Variants in PRKCA observed in about 807,000 individuals in gnomAD.
PRKCA encodes protein kinase C alpha.
In PRKCA, 27 loss-of-function variants were observed where a neutral mutation model predicts 87.0. That is an observed-to-expected ratio of 0.31 (90% confidence interval 0.23 to 0.43). PRKCA has a LOEUF of 0.43. PRKCA is among the 20% of genes least tolerant of loss of function. PRKCA has a pLI of 1.00. For missense variants in PRKCA, 518 were observed against 852.3 expected (o/e 0.61, Z 4.88); for synonymous variants, 329 against 311.1 (o/e 1.06, Z -0.61).
chr17:66,302,844 G>C lies in PRKCA; in HGVS notation c.-8G>C, dbSNP rs1385201395. On this transcript the variant is annotated 5_prime_UTR_variant, in exon 1 of 17. Coordinates refer to ENST00000413366, the MANE Select transcript of PRKCA (RefSeq NM_002737.3). ...CCCGGCGGAGGCAAGAGGTGGTTGG[G>C]GGGGACCATGGCTGACGTTTTCCCG... The C allele has an allele frequency of 2.5e-6, 4 of 1,592,026 alleles. No homozygotes were observed. In the African/African-American group the frequency reaches 4.1e-5, roughly 16 times the overall value.
intron 2 of PRKCA, among the ~76,000 whole-genome samples, chr17:66,385,158 G>A (rs1356203625): frequency 2.0e-5 from 3 of 152,168 alleles, no homozygotes; most frequent in African/African-American, 7.2e-5. Flanking sequence ...TCCCTGGCAG[G>A]CACTGTGTGG....
chr17:66,757,005 C>G (rs774585195), intron 13 of PRKCA, among the ~76,000 whole-genome samples: 1 of 151,990 alleles, frequency 6.6e-6, no homozygotes, highest in Non-Finnish European at 1.5e-5. Context: ...TTGCTAAGGG[C>G]TTTAGTGGAA....
intron 3 of PRKCA, among the ~76,000 whole-genome samples, chr17:66,514,856 T>G (rs1464054021): frequency 6.6e-6 from 1 of 152,156 alleles, no homozygotes; most frequent in Non-Finnish European, 1.5e-5. Flanking sequence ...ATGTAGCCAC[T>G]CCGATTTGGA....
chr17:66,768,792 A>G (rs895344897), intron 13 of PRKCA, among the ~76,000 whole-genome samples: 1 of 152,186 alleles, frequency 6.6e-6, no homozygotes, highest in Non-Finnish European at 1.5e-5. Flanking sequence ...TTCCCCCAAC[A>G]GGTGGGGATT....
chr17:66,491,984 AGG>A (rs1286941466), intron 2 of PRKCA, among the ~76,000 whole-genome samples: 1 of 151,754 alleles, frequency 6.6e-6, no homozygotes, highest in African/African-American at 2.4e-5. Flanking sequence ...TGGGGAGGAG[AGG>A]GGGCATCTAC....
chr17:66,562,868 A>AT (rs1017712599), intron 3 of PRKCA, among the ~76,000 whole-genome samples: 2 of 152,188 alleles, frequency 1.3e-5, no homozygotes, highest in Admixed American at 1.3e-4. Context: ...AAGTGCTGGG[A>AT]TTACAGGCAT....
At chr17:66,785,294 A>G (rs1459949465) in intron 14 of PRKCA, among the ~76,000 whole-genome samples, 1 of 152,100 alleles carries the variant, frequency 6.6e-6, no homozygotes, top group African/African-American at 2.4e-5. Flanking sequence ...GCTGCCTCTG[A>G]CTTGGGAGAA....
chr17:66,739,363 T>C (rs1974105772), intron 11 of PRKCA, among the ~76,000 whole-genome samples: 4 of 152,218 alleles, frequency 2.6e-5, no homozygotes, highest in Admixed American at 2.0e-4. Context: ...CTGGAGATGT[T>C]GCCATATCCC....
chr17:66,409,235 G>T (rs1911624918), intron 2 of PRKCA, among the ~76,000 whole-genome samples: 1 of 151,994 alleles, frequency 6.6e-6, no homozygotes, highest in Non-Finnish European at 1.5e-5. Flanking sequence ...ATAAGACTTA[G>T]GGGTTCGTTC....
chr17:66,807,312 A>C lies in PRKCA; in HGVS notation c.*3275A>C, dbSNP rs1179713593. ...TGGCTCTGCATTATCTTCCCTTGGA[A>C]GGTGGCCACTCCTCGGTGGCAGGGC... On this transcript the variant is annotated 3_prime_UTR_variant, in exon 17 of 17. Transcript: ENST00000413366. The surrounding 1 kb of genome is among the most constrained non-coding windows in gnomAD (Gnocchi z 4.3). 2 of 152,230 alleles carry C rather than the reference A, an allele frequency of 1.3e-5. No individual in the cohort carries two copies. The highest frequency in any genetic ancestry group is 4.8e-5 in the African/African-American group (2 of 41,462). The allele number at this position is 152,230 out of a possible 1,614,324, so 9.4% of individuals were successfully genotyped here. A position where few individuals can be genotyped will look rare whatever the true frequency, so the allele number is the denominator to read the frequency against.
At chr17:66,663,849 T>G (rs1971971549) in intron 5 of PRKCA, among the ~76,000 whole-genome samples, 2 of 145,372 alleles carry the variant, frequency 1.4e-5, no homozygotes, top group South Asian at 4.4e-4. Flanking sequence ...TTGTTGTTGT[T>G]GTTTGGTTTG....
intron 8 of PRKCA, among the ~76,000 whole-genome samples, chr17:66,694,869 G>A (rs1972878172): frequency 6.6e-6 from 1 of 151,006 alleles, no homozygotes; most frequent in African/African-American, 2.4e-5. Flanking sequence ...TCATTTCCAT[G>A]GCTTTTAGTA....
intron 3 of PRKCA, among the ~76,000 whole-genome samples, chr17:66,630,472 C>T (rs777689357): frequency 1.2e-4 from 18 of 152,172 alleles, no homozygotes; most frequent in Non-Finnish European, 2.6e-4. Context: ...TCAGTCTTGG[C>T]CAAAGGGAGT....
At chr17:66,552,388 C>A (rs894776348) in intron 3 of PRKCA, among the ~76,000 whole-genome samples, 16 of 152,228 alleles carry the variant, frequency 1.1e-4, no homozygotes, top group African/African-American at 3.6e-4. Flanking sequence ...TTTATTTTCT[C>A]GCAGTTTCTG....
chr17:66,546,722 C>G (rs1390088459), intron 3 of PRKCA, among the ~76,000 whole-genome samples: 1 of 152,184 alleles, frequency 6.6e-6, no homozygotes, highest in African/African-American at 2.4e-5. Context: ...ACGTCACATT[C>G]ACGTAGACCT....
At chr17:66,760,764 C>T (rs893905590) in intron 13 of PRKCA, among the ~76,000 whole-genome samples, 19 of 152,164 alleles carry the variant, frequency 1.2e-4, no homozygotes, top group Non-Finnish European at 2.1e-4. Context: ...CAGACTAATA[C>T]CTCTCATGAA....
intron 2 of PRKCA, among the ~76,000 whole-genome samples, chr17:66,376,989 C>A (rs1310461546): frequency 6.6e-6 from 1 of 151,968 alleles, no homozygotes; most frequent in African/African-American, 2.4e-5. Flanking sequence ...TGAGTTCAGT[C>A]CCCTGCAAAA....
intron 5 of PRKCA, among the ~76,000 whole-genome samples, chr17:66,679,174 C>CTTTTTTTTTTTTT (rs10714678): frequency 1.7e-5 from 2 of 121,056 alleles, no homozygotes; most frequent in Non-Finnish European, 3.4e-5. Flanking sequence ...ACACTCACAC[C>CTTTTTTTTTTTTT]TTTTTTTTTT....
intron 3 of PRKCA, among the ~76,000 whole-genome samples, chr17:66,553,619 T>C (rs1968408915): frequency 6.6e-6 from 1 of 152,224 alleles, no homozygotes; most frequent in South Asian, 2.1e-4. Flanking sequence ...ATTGCTGTTT[T>C]TCTTGGATCA....
Sources: allele counts gnomAD v4.1 joint callset (sites outside exome capture counted in the v4.1 genomes callset), GRCh38; gene constraint gnomAD v4.1.1; non-coding constraint Gnocchi (gnomAD v3.1); transcripts MANE v1.5; gene names NCBI Gene and HGNC (gene_info 2026-07-23, HGNC 2026-07-21).